VAPB: variants seen among roughly 807,000 people sequenced by gnomAD.
The protein encoded by VAPB is VAMP associated protein B and C, also known as vesicle-associated membrane protein-associated protein B/C.
Under a neutral mutation model 25.6 loss-of-function variants are expected in VAPB, and 7 were observed. That is an observed-to-expected ratio of 0.27 (90% confidence interval 0.16 to 0.51). The LOEUF is 0.51. Among genes scored for constraint, VAPB ranks in the 20% least tolerant of loss-of-function variants. The probability of loss-of-function intolerance (pLI) is 0.97; values close to 1 mark genes in which losing one functional copy is unlikely to be tolerated. For synonymous variants in VAPB, 112 were observed against 109.2 expected (o/e 1.03, Z -0.16); for missense variants, 266 against 301.3 (o/e 0.88, Z 0.87).
intron 1 of VAPB, among the ~76,000 whole-genome samples, chr20:58,408,897 C>T (rs1216707514): frequency 7.6e-6 from 1 of 132,054 alleles, no homozygotes; most frequent in African/African-American, 2.8e-5. Flanking sequence ...GACACCCCCC[C>T]CCCCCACCCC....
intron 1 of VAPB, among the ~76,000 whole-genome samples, chr20:58,404,910 T>C (rs1368430465): frequency 6.6e-6 from 1 of 152,092 alleles, no homozygotes; most frequent in Non-Finnish European, 1.5e-5. Context: ...GGGTTACTTA[T>C]TGAGTACCTG....
At chr20:58,421,119 C>A (rs1157392872) in intron 2 of VAPB, among the ~76,000 whole-genome samples, 1 of 152,186 alleles carries the variant, frequency 6.6e-6, no homozygotes, top group Non-Finnish European at 1.5e-5. Context: ...GAAACCTGAA[C>A]AGGAAGACCA....
At chr20:58,427,972 G>A (rs1252036307) in intron 2 of VAPB, among the ~76,000 whole-genome samples, 1 of 150,950 alleles carries the variant, frequency 6.6e-6, no homozygotes, top group Admixed American at 6.6e-5. Context: ...AGTGATCTGT[G>A]ATCTGTTACC....
intron 2 of VAPB, among the ~76,000 whole-genome samples, chr20:58,429,695 C>T (rs1466598143): frequency 6.6e-6 from 1 of 152,226 alleles, no homozygotes; most frequent in African/African-American, 2.4e-5. Context: ...GGGCCAGGTA[C>T]GTCCCGAAAA....
chr20:58,445,172 G>C lies in VAPB; in HGVS notation c.*937G>C, dbSNP rs1059794. On this transcript the variant is annotated 3_prime_UTR_variant, in exon 6 of 6. Coordinates refer to ENST00000475243, the MANE Select transcript of VAPB (RefSeq NM_004738.5). ...GTCAGTAAATAACAACTGTCATAGG[G>C]AGGGAAATTCTCAGTAGTGACAGTC... 44,284 of 454,058 alleles carry C rather than the reference G, an allele frequency of 0.098. 2,514 individuals are homozygous for C. Among genetic ancestry groups the C allele is most frequent in the African/African-American group, 0.15 (7,360 of 50,036 alleles). 28.1% of individuals were successfully genotyped at this position (454,058 alleles called of 1,614,324 possible). A position where few individuals can be genotyped will look rare whatever the true frequency, so the allele number is the denominator to read the frequency against.
chr20:58,392,557 C>T (rs1269297599), intron 1 of VAPB, among the ~76,000 whole-genome samples: 1 of 152,016 alleles, frequency 6.6e-6, no homozygotes, highest in African/African-American at 2.4e-5. Context: ...GACTGAATAC[C>T]CTGACTTAGA....
At chr20:58,394,885 T>G (rs1987908940) in intron 1 of VAPB, among the ~76,000 whole-genome samples, 1 of 152,206 alleles carries the variant, frequency 6.6e-6, no homozygotes. Context: ...ACTAAAATAA[T>G]TAGTCTGAAT....
chr20:58,396,083 G>T (rs1156499544), intron 1 of VAPB, among the ~76,000 whole-genome samples: 1 of 151,784 alleles, frequency 6.6e-6, no homozygotes, highest in Non-Finnish European at 1.5e-5. Context: ...TTGAGAAAAT[G>T]GCATAGTCCC....
At chr20:58,392,171 G>A (rs1987819180) in intron 1 of VAPB, among the ~76,000 whole-genome samples, 1 of 152,214 alleles carries the variant, frequency 6.6e-6, no homozygotes, top group South Asian at 2.1e-4. Context: ...GGTCAATGGG[G>A]ATGATGCTCG....
At chr20:58,429,198 A>G (rs1988874274) in intron 2 of VAPB, among the ~76,000 whole-genome samples, 1 of 151,304 alleles carries the variant, frequency 6.6e-6, no homozygotes, top group Admixed American at 6.6e-5. Flanking sequence ...TCCCATAACT[A>G]CCCACCTTAT....
intron 1 of VAPB, among the ~76,000 whole-genome samples, chr20:58,392,649 C>G (rs947932856): frequency 6.6e-6 from 1 of 152,154 alleles, no homozygotes; most frequent in Non-Finnish European, 1.5e-5. Context: ...GATTTCTGGT[C>G]GTTCACCTAG....
At chr20:58,434,223 A>C (rs1460350648) in intron 2 of VAPB, among the ~76,000 whole-genome samples, 1 of 152,206 alleles carries the variant, frequency 6.6e-6, no homozygotes, top group African/African-American at 2.4e-5. Flanking sequence ...ATTCTATTTA[A>C]TTCCTGAAGA....
chr20:58,442,840 C>T (rs1182892747), intron 5 of VAPB, among the ~76,000 whole-genome samples: 2 of 152,050 alleles, frequency 1.3e-5, no homozygotes, highest in Non-Finnish European at 2.9e-5. Flanking sequence ...GCCTGTGGTC[C>T]CCAGGACCTA....
intron 1 of VAPB, among the ~76,000 whole-genome samples, chr20:58,413,402 C>G (rs1251771476): frequency 6.6e-6 from 1 of 151,898 alleles, no homozygotes; most frequent in Non-Finnish European, 1.5e-5. Context: ...CATCTTGCAC[C>G]GCCCTTAATC....
intron 2 of VAPB, among the ~76,000 whole-genome samples, chr20:58,426,859 T>C (rs1343078420): frequency 1.3e-5 from 2 of 152,140 alleles, no homozygotes; most frequent in Non-Finnish European, 2.9e-5. Flanking sequence ...GAGAGAGATT[T>C]CGAAGATAAG....
At chr20:58,431,286 AC>A (rs1476574273) in intron 2 of VAPB, 1 of 152,244 alleles carries the variant, frequency 6.6e-6, no homozygotes, top group East Asian at 1.9e-4. Context: ...TTGTACACTC[AC>A]AAAAAAATCA....
rs760857334 is a variant in VAPB, at chr20:58,447,636, T to C, written c.*3401T>C. On this transcript the variant is annotated 3_prime_UTR_variant, in exon 6 of 6. Transcript: ENST00000475243. The stretch of plus-strand genomic sequence containing the variant: ...AGAGCTACAGAGCCTTTCAGATGAA[T>C]TTGAAAACAGACTCTGTGTGTGTGT... 2 of 444,470 alleles carry C rather than the reference T, an allele frequency of 4.5e-6. No homozygotes were observed. The highest frequency in any genetic ancestry group is 3.1e-5 in the South Asian group (2 of 63,800). The allele number at this position is 444,470 out of a possible 1,614,324, so 27.5% of individuals were successfully genotyped here.
At chr20:58,413,140 T>C (rs926608488) in intron 1 of VAPB, among the ~76,000 whole-genome samples, 1 of 2,264 alleles carries the variant, frequency 4.4e-4, no homozygotes, top group African/African-American at 3.0e-3. Flanking sequence ...ATTTGCCTTC[T>C]TTTTTTTTTT....
chr20:58,448,488 C>G lies in VAPB; in HGVS notation c.*4253C>G, dbSNP rs1474943726. ...AACTGTGACTGGGGGGTAGATGGCT[C>G]TGTTTGCATACGAAGAAATAAAGGC... On this transcript the variant is annotated 3_prime_UTR_variant, in exon 6 of 6. Transcript: ENST00000475243. 4.4e-6 allele frequency: 2 copies of G among 453,950 alleles called. No homozygotes were observed. The highest frequency in any genetic ancestry group is 8.8e-6 in the Non-Finnish European group (2 of 226,784). The allele number at this position is 453,950 out of a possible 1,614,324, so 28.1% of individuals were successfully genotyped here.
Sources: gnomAD v4.1 joint callset for allele counts (sites outside exome capture counted in the v4.1 genomes callset) on GRCh38, gnomAD v4.1.1 for gene constraint, MANE v1.5 for transcripts, NCBI Gene and HGNC (gene_info 2026-07-23, HGNC 2026-07-21) for gene names.